The following MEGF9 variants were observed in gnomAD, a reference collection of about 807,000 sequenced individuals.
The protein encoded by MEGF9 is multiple EGF like domains 9, also known as multiple epidermal growth factor-like domains protein 9.
A neutral mutation model predicts 46.8 loss-of-function variants in MEGF9; 6 were observed. That is an observed-to-expected ratio of 0.13 (90% CI 0.07 to 0.25). The LOEUF is 0.25. Ranked by LOEUF, MEGF9 falls within the 10% of genes least tolerant of loss-of-function variation. The pLI is 1.00. For synonymous variants in MEGF9, 302 were observed against 330.7 expected (o/e 0.91, Z 0.94); for missense variants, 683 against 792.4 (o/e 0.86, Z 1.66).
intron 3 of MEGF9, among the ~76,000 whole-genome samples, chr9:120,620,319 A>G (rs540982514): frequency 6.6e-6 from 1 of 152,344 alleles, no homozygotes; most frequent in Non-Finnish European, 1.5e-5. Context: ...GTTACTCAGT[A>G]TTGAAAATAA....
intron 3 of MEGF9, among the ~76,000 whole-genome samples, chr9:120,621,099 A>G (rs1441805202): frequency 6.6e-6 from 1 of 152,186 alleles, no homozygotes; most frequent in Non-Finnish European, 1.5e-5. Flanking sequence ...TAAGATCAGA[A>G]GTTAATTGGC....
In MEGF9 at chr9:120,602,186, T is replaced by C. The variant is rs1587969683; in HGVS notation, c.*3004A>G. 6.6e-6 allele frequency: 1 copy of C among 152,396 alleles called. No homozygotes were observed. Among genetic ancestry groups the C allele is most frequent in the Non-Finnish European group, 1.5e-5 (1 of 68,112 alleles). The allele number at this position is 152,396 out of a possible 1,614,324, so 9.4% of individuals were successfully genotyped here. On this transcript the variant is annotated 3_prime_UTR_variant, in exon 6 of 6. Transcript: ENST00000373930. ...ACCCGGCTAATTTTTGTGTTTTTAG[T>C]AGAGACGGGATTTCGCCATGTTGAC...
intron 1 of MEGF9, among the ~76,000 whole-genome samples, chr9:120,696,942 G>C (rs2132341203): frequency 6.6e-6 from 1 of 152,250 alleles, no homozygotes; most frequent in East Asian, 1.9e-4. Flanking sequence ...ATCTATAGTT[G>C]AATAACAGCT....
At chr9:120,630,748 C>T (rs142177121) in intron 2 of MEGF9, among the ~76,000 whole-genome samples, 1 of 152,080 alleles carries the variant, frequency 6.6e-6, no homozygotes, top group African/African-American at 2.4e-5. Flanking sequence ...ATTTGTACTT[C>T]TCTGATGATT....
At chr9:120,618,422 G>A (rs1046274212) in intron 3 of MEGF9, among the ~76,000 whole-genome samples, 4 of 152,158 alleles carry the variant, frequency 2.6e-5, no homozygotes, top group African/African-American at 9.7e-5. Flanking sequence ...CTCATCATGG[G>A]ACACTATGAA....
At chr9:120,677,240 C>T (rs532984326) in intron 1 of MEGF9, among the ~76,000 whole-genome samples, 2 of 152,122 alleles carry the variant, frequency 1.3e-5, no homozygotes, top group East Asian at 3.9e-4. Flanking sequence ...GTTATCCTCC[C>T]ACCTCAGCTT....
chr9:120,690,435 CTA>C (rs898312869), intron 1 of MEGF9, among the ~76,000 whole-genome samples: 31 of 152,250 alleles, frequency 2.0e-4, no homozygotes, highest in African/African-American at 6.5e-4. Flanking sequence ...AAAATGAAAA[CTA>C]TTTGTATTTT....
chr9:120,676,615 G>GAGAT (rs1256637063), intron 1 of MEGF9, among the ~76,000 whole-genome samples: 1 of 152,110 alleles, frequency 6.6e-6, no homozygotes, highest in African/African-American at 2.4e-5. Flanking sequence ...ACATGATTAT[G>GAGAT]AGATCTTCCA....
intron 1 of MEGF9, among the ~76,000 whole-genome samples, chr9:120,662,410 T>C (rs1477125672): frequency 5.9e-5 from 9 of 152,218 alleles, no homozygotes; most frequent in South Asian, 2.1e-4. Flanking sequence ...CTGCCCCTAT[T>C]ATGAATCCAT....
chr9:120,698,707 G>A (rs1008996400), intron 1 of MEGF9, among the ~76,000 whole-genome samples: 4 of 152,194 alleles, frequency 2.6e-5, no homozygotes, highest in Admixed American at 2.0e-4. Flanking sequence ...ATTAATGTAT[G>A]TGCTGACTAT....
intron 2 of MEGF9, among the ~76,000 whole-genome samples, chr9:120,644,223 G>C (rs555474222): frequency 6.6e-6 from 1 of 152,032 alleles, no homozygotes; most frequent in South Asian, 2.1e-4. Context: ...GTCTTTTCTT[G>C]TCTCTTATGA....
chr9:120,639,757 GTAT>G (rs2043594207), intron 2 of MEGF9, among the ~76,000 whole-genome samples: 2 of 150,074 alleles, frequency 1.3e-5, no homozygotes, highest in African/African-American at 4.9e-5. Context: ...TATTATTTTA[GTAT>G]TATTGTTGAA....
intron 1 of MEGF9, among the ~76,000 whole-genome samples, chr9:120,713,347 G>A (rs2043961555): frequency 6.6e-6 from 1 of 152,226 alleles, no homozygotes; most frequent in African/African-American, 2.4e-5. Flanking sequence ...AGCTTTGGGA[G>A]GAATTCCTTA....
intron 3 of MEGF9, among the ~76,000 whole-genome samples, chr9:120,615,056 A>T (rs1384358254): frequency 6.6e-6 from 1 of 151,790 alleles, no homozygotes; most frequent in Admixed American, 6.6e-5. Context: ...CCTGACCAAC[A>T]TGGTGAAACC....
chr9:120,612,014 T>C (rs2043449738), intron 4 of MEGF9, among the ~76,000 whole-genome samples: 1 of 152,168 alleles, frequency 6.6e-6, no homozygotes, highest in African/African-American at 2.4e-5. Context: ...TTTAGGGTAA[T>C]AGGTTATTTA....
At chr9:120,686,498 T>G (rs1056975848) in intron 1 of MEGF9, among the ~76,000 whole-genome samples, 1 of 152,202 alleles carries the variant, frequency 6.6e-6, no homozygotes, top group Admixed American at 6.5e-5. Context: ...ATGGTTACAG[T>G]GGTCAGCTTT....
At chr9:120,657,935 G>A (rs944624902) in intron 2 of MEGF9, among the ~76,000 whole-genome samples, 3 of 151,756 alleles carry the variant, frequency 2.0e-5, no homozygotes, top group Non-Finnish European at 4.4e-5. Flanking sequence ...AGCATCAGAA[G>A]CATTGATTAT....
At chr9:120,649,591 C>T (rs1243234636) in intron 2 of MEGF9, among the ~76,000 whole-genome samples, 1 of 152,166 alleles carries the variant, frequency 6.6e-6, no homozygotes, top group Middle Eastern at 3.2e-3. Flanking sequence ...TGACCCTAAA[C>T]TGGAATAACT....
At chr9:120,614,515 G>A (rs1194862947) in intron 3 of MEGF9, among the ~76,000 whole-genome samples, 7 of 152,062 alleles carry the variant, frequency 4.6e-5, no homozygotes, top group African/African-American at 1.7e-4. Context: ...TTTAGGTACT[G>A]GCTTCTTTCA....
Sources: gnomAD v4.1 joint callset for allele counts (sites outside exome capture counted in the v4.1 genomes callset) on GRCh38, gnomAD v4.1.1 for gene constraint, MANE v1.5 for transcripts, NCBI Gene and HGNC (gene_info 2026-07-23, HGNC 2026-07-21) for gene names.